Variants in MTR observed in about 807,000 individuals in gnomAD.
The protein encoded by MTR is 5-methyltetrahydrofolate-homocysteine methyltransferase.
MTR carries 84 observed loss-of-function variants against 154.8 expected under a neutral mutation model. That is an observed-to-expected ratio of 0.54 (90% confidence interval 0.45 to 0.65). MTR has a LOEUF of 0.65. Among genes scored for constraint, MTR ranks in the 30% least tolerant of loss-of-function variants. The pLI is 0.00. For missense variants in MTR, 1,275 were observed against 1,570.2 expected (o/e 0.81, Z 3.18); for synonymous variants, 554 against 553.9 (o/e 1.00, Z 0.00).
chr1:236,830,081 A>G (rs909725017), intron 12 of MTR, among the ~76,000 whole-genome samples: 1 of 152,222 alleles, frequency 6.6e-6, no homozygotes, highest in Non-Finnish European at 1.5e-5. Context: ...TGACAGCAAA[A>G]GTAGTGTCCA....
At chr1:236,820,149 T>A in intron 8 of MTR, 1 of 764,658 alleles carries the variant, frequency 1.3e-6, no homozygotes, top group South Asian at 1.3e-5. Flanking sequence ...ACTCGGTGGG[T>A]TTGATGTGGT....
chr1:236,848,671 C>G (rs938404041), intron 15 of MTR, among the ~76,000 whole-genome samples: 1 of 152,180 alleles, frequency 6.6e-6, no homozygotes, highest in Non-Finnish European at 1.5e-5. Context: ...AGTGAGGCCA[C>G]AGAGACCACT....
intron 11 of MTR, among the ~76,000 whole-genome samples, chr1:236,828,266 C>T (rs917929656): frequency 3.4e-4 from 51 of 152,054 alleles, no homozygotes; most frequent in African/African-American, 1.2e-3. Context: ...TGTGAGCCAC[C>T]GCGCCTGGCC....
intron 4 of MTR, among the ~76,000 whole-genome samples, chr1:236,809,714 TC>T (rs1661193402): frequency 6.6e-6 from 1 of 152,176 alleles, no homozygotes; most frequent in Non-Finnish European, 1.5e-5. Flanking sequence ...AGCTGGTTTA[TC>T]AATTAGCTGA....
At chr1:236,806,003 C>T in intron 2 of MTR, 141 bp from the exon 3 acceptor site, 2 of 730,758 alleles carry the variant, frequency 2.7e-6, no homozygotes, top group Admixed American at 4.2e-5. Flanking sequence ...TTTTGCATCT[C>T]TACCTTCTAA....
chr1:236,856,722 C>T (rs1206761813), intron 18 of MTR, among the ~76,000 whole-genome samples: 1 of 152,076 alleles, frequency 6.6e-6, no homozygotes, highest in African/African-American at 2.4e-5. Flanking sequence ...TGATGTTCCC[C>T]TCCCTGTGTC....
intron 20 of MTR, 129 bp downstream of exon 20, chr1:236,861,406 T>G: frequency 1.5e-6 from 2 of 1,338,180 alleles, no homozygotes; most frequent in Non-Finnish European, 2.1e-6. Context: ...TAGTCATTCC[T>G]TCTCTAAATA....
In MTR at chr1:236,900,239, A is replaced by G; in HGVS notation, c.*2595A>G. ...TACGGGATATTATTCAGTAGTGGAA[A>G]TGAGTGAACTACAGCTATACCTCAC... On this transcript the variant is annotated 3_prime_UTR_variant, in exon 33 of 33. Coordinates refer to ENST00000366577, the MANE Select transcript of MTR (RefSeq NM_000254.3). 3.1e-6 allele frequency: 1 copy of G among 320,046 alleles called. No homozygotes were observed. Among genetic ancestry groups the G allele is most frequent in the South Asian group, 2.7e-5 (1 of 37,240 alleles). The allele number at this position is 320,046 out of a possible 1,614,324, so 19.8% of individuals were successfully genotyped here.
intron 8 of MTR, chr1:236,820,127 A>G (rs926143538): frequency 2.6e-6 from 2 of 766,332 alleles, no homozygotes; most frequent in African/African-American, 1.7e-5. Context: ...ATTGCATGCA[A>G]CAAGGGAGCT....
At position 236,810,550 on chromosome 1, in the gene MTR, C is replaced by T. The variant is rs1661235432; in HGVS notation, c.457C>T (p.Leu153Phe). 1.9e-6 allele frequency: 3 copies of T among 1,613,760 alleles called. No individual in the cohort carries two copies. The highest frequency in any genetic ancestry group is 1.3e-5 in the African/African-American group (1 of 74,910). Residue 153 changes from leucine (L) to phenylalanine (F), a missense_variant, in exon 5 of 33, where the codon CTC (leucine) becomes TTC (phenylalanine). Leu to Phe is a conservative substitution (Grantham distance 22, BLOSUM62 0). Transcript: ENST00000366577. ...GGCTCTGGGTCCGACTAATAAGACA[C>T]TCTCTGTGTCCCCATCTGTGGAAAG... ...AGALGPTNKT[L>F]SVSPSVERPD... is the part of the protein sequence containing the mutation.
In MTR at chr1:236,898,694, T is replaced by C. The variant is rs1666794794; in HGVS notation, c.*1050T>C. On this transcript the variant is annotated 3_prime_UTR_variant, in exon 33 of 33. Transcript: ENST00000366577. ...TCCCAAAATGCTGGGATTACAGGCG[T>C]GAGCCACCGAGCCTGGCCGGTTAAC... 4 of 152,384 alleles carry C rather than the reference T, an allele frequency of 2.6e-5. No homozygotes were observed. The highest frequency in any genetic ancestry group is 2.6e-4 in the Admixed American group (4 of 15,280). 9.4% of individuals were successfully genotyped at this position (152,384 alleles called of 1,614,324 possible). A position where few individuals can be genotyped will look rare whatever the true frequency, so the allele number is the denominator to read the frequency against.
intron 14 of MTR, among the ~76,000 whole-genome samples, chr1:236,837,758 A>G (rs1662992216): frequency 6.6e-6 from 1 of 152,164 alleles, no homozygotes; most frequent in Non-Finnish European, 1.5e-5. Context: ...AATGCAGCCT[A>G]GATCTGTTGC....
intron 8 of MTR, chr1:236,820,584 TC>T: frequency 1.4e-5 from 7 of 512,894 alleles, no homozygotes; most frequent in Middle Eastern, 5.1e-4. Flanking sequence ...AGCGTCAGTT[TC>T]TTAAAAAAAA....
At chr1:236,891,010 A>T in intron 28 of MTR, 123 bp from the exon 29 acceptor site, 2 of 1,150,612 alleles carry the variant, frequency 1.7e-6, no homozygotes, top group Admixed American at 1.8e-5. Flanking sequence ...AAAGCATTTG[A>T]GGAAAATGGA....
rs1322205952 is a variant in MTR, at chr1:236,895,501, C to T, written c.3549C>T (p.His1183=). The T allele has an allele frequency of 1.3e-6, 2 of 1,594,158 alleles. No individual in the cohort carries two copies. Among genetic ancestry groups the T allele is most frequent in the Admixed American group, 1.7e-5 (1 of 58,154 alleles). ...PAPGYPSQPD[H]TEKLTMWRLA... is the part of the protein sequence containing the mutation. ...CTGGCTACCCCAGCCAGCCCGACCA[C>T]ACCGAGAAGCTCACCATGTGGAGAC... Residue 1183 remains histidine (H), a synonymous_variant, in exon 31 of 33, where the codon CAC becomes CAT. Coordinates refer to ENST00000366577, the MANE Select transcript of MTR (RefSeq NM_000254.3).
intron 6 of MTR, among the ~76,000 whole-genome samples, chr1:236,815,241 C>T (rs904794550): frequency 6.6e-6 from 1 of 152,196 alleles, no homozygotes; most frequent in African/African-American, 2.4e-5. Context: ...CACAGCTCAA[C>T]TGCAACCTTG....
Position 236,898,076 on chromosome 1 carries a change from G to T in MTR, c.*432G>T. On this transcript the variant is annotated 3_prime_UTR_variant, in exon 33 of 33. Coordinates refer to ENST00000366577, the MANE Select transcript of MTR (RefSeq NM_000254.3). ...TGTGACCCTGTGACAAAATGATACT[G>T]TGAGAAATGGGGCATTTTAATCTAA... The T allele has an allele frequency of 4.8e-6, 1 of 207,052 alleles. No individual in the cohort carries two copies. Among genetic ancestry groups the T allele is most frequent in the South Asian group, 8.3e-5 (1 of 12,084 alleles). The allele number at this position is 207,052 out of a possible 1,614,324, so 12.8% of individuals were successfully genotyped here.
rs1211207722 is a variant in MTR at position 236,800,006 on chromosome 1, T to G, written c.35-3422T>G. ...TTTGCATGTGTGGGGCTGGGTTGTTTTGTGGTAAATAGTGAACTGTCTTAA... is the reference window on the plus strand; with the variant it reads ...TTTGCATGTGTGGGGCTGGGTTGTTGTGTGGTAAATAGTGAACTGTCTTAA... On this transcript the variant is annotated intron_variant, in intron 1 of 32. Transcript: ENST00000366577. 4.1e-6 allele frequency: 4 copies of G among 970,454 alleles called. No homozygotes were observed. In the East Asian group the frequency reaches 4.6e-4, roughly 111 times the overall value. The allele number at this position is 970,454 out of a possible 1,614,324, so 60.1% of individuals were successfully genotyped here. A position where few individuals can be genotyped will look rare whatever the true frequency, so the allele number is the denominator to read the frequency against.
At chr1:236,878,316 T>G (rs895161109) in intron 24 of MTR, among the ~76,000 whole-genome samples, 1 of 152,222 alleles carries the variant, frequency 6.6e-6, no homozygotes, top group Non-Finnish European at 1.5e-5. Context: ...GAAGCCCATC[T>G]GAGAGCCCTT....
Sources: allele counts gnomAD v4.1 joint callset (sites outside exome capture counted in the v4.1 genomes callset), GRCh38; gene constraint gnomAD v4.1.1; transcripts MANE v1.5; gene names NCBI Gene and HGNC (gene_info 2026-07-23, HGNC 2026-07-21).